NOCT: variants seen among roughly 807,000 people sequenced by gnomAD.
The protein encoded by NOCT is nocturnin, also known as CCR4 carbon catabolite repression 4-like.
In NOCT, 18 loss-of-function variants were observed where a neutral mutation model predicts 35.0. The observed-to-expected ratio is 0.51, with a 90% CI of 0.36 to 0.76. The LOEUF (loss-of-function observed/expected upper bound fraction) is 0.76. NOCT is among the 30% of genes least tolerant of loss of function. NOCT has a pLI of 0.01. For missense variants in NOCT, 479 were observed against 541.0 expected, an observed-to-expected ratio of 0.89 and a Z score of 1.14; for synonymous variants, 235 against 226.3, an observed-to-expected ratio of 1.04 and a Z score of -0.34.
At chr4:139,040,912 A>C (rs1726824143) in intron 1 of NOCT, among the ~76,000 whole-genome samples, 2 of 152,318 alleles carry the variant, frequency 1.3e-5, no homozygotes, top group Non-Finnish European at 1.5e-5. Flanking sequence ...GAAGTAAAAA[A>C]AAAAAGTACA....
chr4:139,021,283 A>G (rs1726408445), intron 1 of NOCT, among the ~76,000 whole-genome samples: 1 of 152,026 alleles, frequency 6.6e-6, no homozygotes, highest in Non-Finnish European at 1.5e-5. Context: ...GATTACAGGC[A>G]TGAGCCATCA....
chr4:139,042,071 CTTTTTT>C (rs368776726), intron 1 of NOCT, among the ~76,000 whole-genome samples: 1 of 108,740 alleles, frequency 9.2e-6, no homozygotes, highest in South Asian at 3.3e-4. Flanking sequence ...TCTTTAAGAT[CTTTTTT>C]TTTTTTTTTT....
rs904620832 is a variant in NOCT, at chr4:139,015,831, C to G, written c.-151C>G. On this transcript the variant is annotated 5_prime_UTR_variant, in exon 1 of 3. Transcript: ENST00000280614. ...CACCTCCCTCTCCGGCTCTGCTGCC[C>G]GGGATTTCCCCAGAACCTGCGCCGC... 1.8e-6 allele frequency: 1 copy of G among 554,236 alleles called. No individual in the cohort carries two copies. Among genetic ancestry groups the G allele is most frequent in the Non-Finnish European group, 2.6e-6 (1 of 378,882 alleles). 34.3% of individuals were successfully genotyped at this position (554,236 alleles called of 1,614,324 possible). A position where few individuals can be genotyped will look rare whatever the true frequency, so the allele number is the denominator to read the frequency against.
intron 1 of NOCT, among the ~76,000 whole-genome samples, chr4:139,033,225 TGTG>T (rs1726660286): frequency 7.2e-6 from 1 of 139,026 alleles, no homozygotes; most frequent in Non-Finnish European, 1.5e-5. Flanking sequence ...ATTAGACAGG[TGTG>T]GTGGTGTGTG....
Position 139,043,081 on chromosome 4 carries a change from C to T in NOCT, c.198C>T (p.Ser66=). ...AARSCSRTVC[S]MGTGTSRLYS... ...TGATTTCCTTTTCCGTAGTGTGTTC[C>T]ATGGGAACCGGTACAAGCAGACTCT... Residue 66 remains serine, a synonymous_variant, in exon 2 of 3, where the codon TCC becomes TCT. Transcript: ENST00000280614. The T allele has an allele frequency of 2.5e-6, 4 of 1,595,070 alleles. No individual in the cohort carries two copies. In the South Asian group the frequency reaches 4.4e-5, roughly 18 times the overall value.
chr4:139,038,408 A>G (rs935808377), intron 1 of NOCT, among the ~76,000 whole-genome samples: 2 of 152,080 alleles, frequency 1.3e-5, no homozygotes, highest in African/African-American at 4.8e-5. Flanking sequence ...CAGGCCAAAT[A>G]AGGTAGATGA....
At position 139,045,310 on chromosome 4, in the gene NOCT, T is replaced by C; in HGVS notation, c.1132T>C (p.Tyr378His). The C allele has an allele frequency of 6.2e-7, 1 of 1,614,080 alleles. No homozygotes were observed. The highest frequency in any genetic ancestry group is 1.3e-5 in the African/African-American group (1 of 75,012). Residue 378 changes from tyrosine (Y) to histidine (H), a missense_variant, in exon 3 of 3, where the codon TAC becomes CAC. Transcript: ENST00000280614. The part of the protein sequence containing the change: ...TSGECRHTLD[Y>H]IWYSKHALNV... ...AGGGGAGTGCAGGCACACCCTGGAT[T>C]ACATCTGGTATTCTAAACATGCTCT...
At chr4:139,038,875 G>A (rs1184299124) in intron 1 of NOCT, among the ~76,000 whole-genome samples, 3 of 152,048 alleles carry the variant, frequency 2.0e-5, no homozygotes, top group Non-Finnish European at 4.4e-5. Flanking sequence ...TTACACCAGT[G>A]TTTCTGGTTG....
rs1459762692 is a variant in NOCT, at chr4:139,016,024, A to G, written c.43A>G (p.Arg15Gly). 4 of 1,397,274 alleles carry G rather than the reference A, an allele frequency of 2.9e-6. No homozygotes were observed. Among genetic ancestry groups the G allele is most frequent in the Non-Finnish European group, 3.7e-6 (4 of 1,076,704 alleles). 86.6% of individuals were successfully genotyped at this position (1,397,274 alleles called of 1,614,324 possible). A position where few individuals can be genotyped will look rare whatever the true frequency, so the allele number is the denominator to read the frequency against. ...GCGGCTCTGCTCGGCCCTGCTGCAG[A>G]GGGACGCGCCCGGCCTGCGCCGCCT... ...PRRLCSALLQRDAPGLRRLPA... is the reference protein window; with the variant it reads ...PRRLCSALLQGDAPGLRRLPA... Residue 15 changes from arginine (R) to glycine (G), a missense_variant, in exon 1 of 3, where the codon AGG becomes GGG. Arg to Gly is a moderately radical substitution (Grantham distance 125). This residue lies in a region of NOCT where 265 missense variants were observed against 257.0 expected (regional missense o/e 1.03). Transcript: ENST00000280614.
rs774562025 is a variant in NOCT, at chr4:139,045,325, A to C, written c.1147A>C (p.Lys383Gln). Residue 383 changes from lysine to glutamine, a missense_variant, in exon 3 of 3, where the codon AAA becomes CAA. Lys to Gln is a moderately conservative substitution (Grantham distance 53). Transcript: ENST00000280614. ...RHTLDYIWYS[K>Q]HALNVRSALD... ...CACCCTGGATTACATCTGGTATTCT[A>C]AACATGCTCTAAATGTAAGGTCAGC... The C allele has an allele frequency of 6.2e-7, 1 of 1,614,050 alleles. No homozygotes were observed. Among genetic ancestry groups the C allele is most frequent in the Admixed American group, 1.7e-5 (1 of 59,986 alleles).
intron 1 of NOCT, among the ~76,000 whole-genome samples, chr4:139,029,538 C>T (rs1479850478): frequency 6.6e-6 from 1 of 152,250 alleles, no homozygotes; most frequent in Non-Finnish European, 1.5e-5. Context: ...GACTTGGAGA[C>T]TGGTCGGTCA....
chr4:139,045,478 C>T lies in NOCT; in HGVS notation c.*4C>T, dbSNP rs1432552171. Reference sequence around the variant, plus strand: ...GGAATCTGATGGACTTTCATAAATACTTGCTTTTGTCTTTTTAATCACAGG... The same window carrying T: ...GGAATCTGATGGACTTTCATAAATATTTGCTTTTGTCTTTTTAATCACAGG... On this transcript the variant is annotated 3_prime_UTR_variant, in exon 3 of 3. Coordinates refer to ENST00000280614, the MANE Select transcript of NOCT (RefSeq NM_012118.4). 3.8e-6 allele frequency: 4 copies of T among 1,065,896 alleles called. No homozygotes were observed. Among genetic ancestry groups the T allele is most frequent in the South Asian group, 1.6e-5 (1 of 60,788 alleles). 66.0% of individuals were successfully genotyped at this position (1,065,896 alleles called of 1,614,324 possible).
At chr4:139,023,332 C>T (rs1225920727) in intron 1 of NOCT, among the ~76,000 whole-genome samples, 2 of 152,162 alleles carry the variant, frequency 1.3e-5, no homozygotes, top group Non-Finnish European at 2.9e-5. Flanking sequence ...GTAAGTTACA[C>T]TGCAGATTCT....
At chr4:139,021,062 C>T (rs984256889) in intron 1 of NOCT, among the ~76,000 whole-genome samples, 1 of 140,202 alleles carries the variant, frequency 7.1e-6, no homozygotes, top group African/African-American at 2.7e-5. Flanking sequence ...AGGAGCAATA[C>T]TCTGTCTCAA....
chr4:139,038,363 G>A (rs1726772014), intron 1 of NOCT, among the ~76,000 whole-genome samples: 1 of 152,080 alleles, frequency 6.6e-6, no homozygotes, highest in Non-Finnish European at 1.5e-5. Context: ...TTTGTCTTCT[G>A]AGGGTGAATT....
intron 1 of NOCT, among the ~76,000 whole-genome samples, chr4:139,022,070 T>G (rs1329944080): frequency 6.6e-6 from 1 of 152,048 alleles, no homozygotes; most frequent in Non-Finnish European, 1.5e-5. Context: ...CTAATTAGAG[T>G]TTATAGGGCT....
chr4:139,039,738 T>C (rs1204403876), intron 1 of NOCT, among the ~76,000 whole-genome samples: 12 of 152,192 alleles, frequency 7.9e-5, no homozygotes, highest in Admixed American at 7.9e-4. Flanking sequence ...TTTTGTTTTG[T>C]TTTGTTTTGA....
chr4:139,037,706 G>A (rs570954266), intron 1 of NOCT, among the ~76,000 whole-genome samples: 14 of 152,246 alleles, frequency 9.2e-5, no homozygotes, highest in South Asian at 2.1e-4. Context: ...TTAAGACCAC[G>A]TAAGCCCTCA....
At chr4:139,042,642 G>A (rs181514241) in intron 1 of NOCT, among the ~76,000 whole-genome samples, 117 of 152,270 alleles carry the variant, frequency 7.7e-4, no homozygotes, top group Non-Finnish European at 1.4e-3. Context: ...TACGCCGGGC[G>A]TGGTGGCTCA....
Sources: allele counts gnomAD v4.1 joint callset (sites outside exome capture counted in the v4.1 genomes callset), GRCh38; gene constraint gnomAD v4.1.1; regional missense constraint gnomAD v4.1.1; transcripts MANE v1.5; gene names NCBI Gene and HGNC (gene_info 2026-07-23, HGNC 2026-07-21).